ARK2C: variants seen among roughly 807,000 people sequenced by gnomAD.
ARK2C encodes E3 ubiquitin-protein ligase ARK2C.
chr18:46,359,926 A>G, the ARK2C span, among the ~76,000 whole-genome samples: 8 of 152,368 alleles, frequency 5.3e-5, no homozygotes, highest in East Asian at 9.6e-4. Context: ...TTTTAGTCAC[A>G]GGATCACACT....
At chr18:46,396,639 T>A in the ARK2C span, among the ~76,000 whole-genome samples, 2 of 152,238 alleles carry the variant, frequency 1.3e-5, no homozygotes, top group Non-Finnish European at 2.9e-5. Flanking sequence ...CTCAGCCCTA[T>A]TGAATCCAAG....
At chr18:46,424,672 G>A in the ARK2C span, among the ~76,000 whole-genome samples, 3 of 152,302 alleles carry the variant, frequency 2.0e-5, no homozygotes, top group African/African-American at 4.8e-5. Context: ...TGAGGCCCCT[G>A]CCAGCAAAGA....
the ARK2C span, among the ~76,000 whole-genome samples, chr18:46,375,572 TAATAATAATAA>T: frequency 6.7e-6 from 1 of 148,500 alleles, no homozygotes; most frequent in Non-Finnish European, 1.5e-5. Flanking sequence ...ATAATAATAA[TAATAATAATAA>T]TAATAATAAT....
the ARK2C span, among the ~76,000 whole-genome samples, chr18:46,338,726 G>C: frequency 2.0e-5 from 3 of 152,058 alleles, no homozygotes; most frequent in Non-Finnish European, 4.4e-5. Context: ...TTTCAGCCCA[G>C]AACAAGCCTT....
chr18:46,343,927 A>G, the ARK2C span, among the ~76,000 whole-genome samples: 28 of 152,354 alleles, frequency 1.8e-4, no homozygotes, highest in Admixed American at 1.6e-3. Context: ...CAAGGCTGGC[A>G]TAAGTCTGGT....
the ARK2C span, chr18:46,450,785 C>A: frequency 6.2e-7 from 1 of 1,613,204 alleles, no homozygotes; most frequent in Non-Finnish European, 8.5e-7. Flanking sequence ...CACCTTCCCC[C>A]ACAAGTATAA....
At chr18:46,376,359 G>A in the ARK2C span, among the ~76,000 whole-genome samples, 1 of 152,262 alleles carries the variant, frequency 6.6e-6, no homozygotes, top group African/African-American at 2.4e-5. Context: ...AAGGAGCATG[G>A]CCAGACAACA....
At chr18:46,408,415 C>T in the ARK2C span, among the ~76,000 whole-genome samples, 5 of 152,162 alleles carry the variant, frequency 3.3e-5, no homozygotes, top group African/African-American at 9.7e-5. Context: ...CACGCACCTG[C>T]GATGACAATC....
At chr18:46,401,749 A>G in the ARK2C span, among the ~76,000 whole-genome samples, 3 of 152,198 alleles carry the variant, frequency 2.0e-5, no homozygotes, top group African/African-American at 7.2e-5. Context: ...AGCTTCCTGG[A>G]GTCATGGGAC....
the ARK2C span, chr18:46,450,198 AG>A: frequency 1.3e-6 from 1 of 784,682 alleles, no homozygotes; most frequent in Non-Finnish European, 2.3e-6. Flanking sequence ...ACAGCATCTC[AG>A]GGTGTACTGA....
the ARK2C span, among the ~76,000 whole-genome samples, chr18:46,448,734 G>A: frequency 6.6e-6 from 1 of 152,158 alleles, no homozygotes; most frequent in Non-Finnish European, 1.5e-5. Context: ...CCGAATCATG[G>A]GTCAGGCTGG....
chr18:46,352,614 T>G, the ARK2C span, among the ~76,000 whole-genome samples: 1 of 152,164 alleles, frequency 6.6e-6, no homozygotes, highest in African/African-American at 2.4e-5. Flanking sequence ...TTCTGCATGG[T>G]CCAGGATGGT....
chr18:46,383,133 T>C, the ARK2C span, among the ~76,000 whole-genome samples: 1 of 152,194 alleles, frequency 6.6e-6, no homozygotes, highest in Non-Finnish European at 1.5e-5. Flanking sequence ...GGGTAGGTGC[T>C]GGTTGGGTCA....
At chr18:46,439,614 A>C in the ARK2C span, among the ~76,000 whole-genome samples, 1 of 152,226 alleles carries the variant, frequency 6.6e-6, no homozygotes, top group Admixed American at 6.5e-5. Flanking sequence ...GTTTCCATGC[A>C]TGCTTTTGGT....
the ARK2C span, among the ~76,000 whole-genome samples, chr18:46,443,735 T>C: frequency 1.4e-4 from 22 of 152,334 alleles, no homozygotes; most frequent in East Asian, 4.0e-3. Flanking sequence ...TTATGATCCT[T>C]TACAGAAGAA....
chr18:46,379,359 G>A, the ARK2C span, among the ~76,000 whole-genome samples: 5 of 152,120 alleles, frequency 3.3e-5, no homozygotes, highest in Non-Finnish European at 7.4e-5. Flanking sequence ...TCAATCTCAC[G>A]AGACTAAGCG....
chr18:46,374,774 G>T, the ARK2C span, among the ~76,000 whole-genome samples: 9 of 152,248 alleles, frequency 5.9e-5, no homozygotes, highest in African/African-American at 9.6e-5. Context: ...GAACTGGGGG[G>T]GCTAGAGACC....
the ARK2C span, among the ~76,000 whole-genome samples, chr18:46,385,277 G>A: frequency 7.9e-5 from 12 of 152,334 alleles, no homozygotes; most frequent in African/African-American, 2.6e-4. Flanking sequence ...ACAGAGATGA[G>A]AGCTCTCCTG....
chr18:46,447,684 A>G, the ARK2C span: 1 of 1,614,006 alleles, frequency 6.2e-7, no homozygotes, highest in Non-Finnish European at 8.5e-7. Context: ...CTCCTCCTCC[A>G]CACAGATGGT....
Sources: gnomAD v4.1 joint callset for allele counts (sites outside exome capture counted in the v4.1 genomes callset) on GRCh38, gnomAD v4.1.1 for gene constraint, MANE v1.5 for transcripts, NCBI Gene and HGNC (gene_info 2026-07-23, HGNC 2026-07-21) for gene names.